NRF1: variants seen among roughly 807,000 people sequenced by gnomAD.
NRF1 encodes the protein alpha palindromic-binding protein.
NRF1 carries 5 observed loss-of-function variants against 58.5 expected under a neutral mutation model. The ratio of observed to expected loss-of-function variants is 0.09; its 90% CI spans 0.04 to 0.18. NRF1 has a LOEUF of 0.18. NRF1 is among the 10% of genes least tolerant of loss of function. The pLI, the probability that NRF1 is intolerant of heterozygous loss-of-function variation, is 1.00. For synonymous variants in NRF1, 224 were observed against 246.7 expected (o/e 0.91, Z 0.86); for missense variants, 288 against 657.7 (o/e 0.44, Z 6.15).
chr7:129,751,942 C>G (rs1804126520), intron 10 of NRF1, among the ~76,000 whole-genome samples: 1 of 152,160 alleles, frequency 6.6e-6, no homozygotes, highest in South Asian at 2.1e-4. Context: ...ACACTCAGTC[C>G]CATGCCTTGA....
chr7:129,710,870 C>G (rs898707192), intron 7 of NRF1, among the ~76,000 whole-genome samples: 1 of 151,910 alleles, frequency 6.6e-6, no homozygotes. Context: ...CTCAACCTCC[C>G]GGGCTCAAGT....
At chr7:129,657,607 A>ATTTTTTTTTTTTTTTTTTTTTTTTTTAT (rs11446444) in intron 2 of NRF1, 33 bp downstream of exon 2, 1 of 888,372 alleles carries the variant, frequency 1.1e-6, no homozygotes, top group Non-Finnish European at 1.6e-6. Context: ...CTCTTCTTTA[A>ATTTTTTTTTTTTTTTTTTTTTTTTTTAT]TTTTTTTTTT....
rs530497899 is a variant in NRF1, at chr7:129,623,309, G to C, written c.-7+11485G>C. On this transcript the variant is annotated intron_variant, in intron 1 of 10. Coordinates refer to ENST00000393232, the MANE Select transcript of NRF1 (RefSeq NM_005011.5). Reference sequence around the variant, plus strand: ...TTTATTTTACCCTGGGAGCTTCTGAGTTACTCTAGTTGTCAGCACGTGAAG... The same window carrying C: ...TTTATTTTACCCTGGGAGCTTCTGACTTACTCTAGTTGTCAGCACGTGAAG... 6.6e-5 allele frequency among the ~76,000 whole-genome samples: 10 copies of C among 151,796 alleles called. No individual in the cohort carries two copies. In the East Asian group the frequency reaches 9.7e-4, roughly 15 times the overall value.
At chr7:129,711,914 T>G (rs2402977) in intron 8 of NRF1, among the ~76,000 whole-genome samples, 151,587 of 152,288 alleles carry the variant, frequency 1, 75,450 homozygotes, top group East Asian at 1. Context: ...AAAAAAAATG[T>G]CACATTAAAA....
chr7:129,635,720 G>T (rs1247595261), intron 1 of NRF1, among the ~76,000 whole-genome samples: 1 of 152,104 alleles, frequency 6.6e-6, no homozygotes, highest in Non-Finnish European at 1.5e-5. Flanking sequence ...CAAGGCCCAC[G>T]TCTCCAGTGC....
At chr7:129,702,522 CT>C (rs1289217851) in intron 5 of NRF1, among the ~76,000 whole-genome samples, 1 of 152,186 alleles carries the variant, frequency 6.6e-6, no homozygotes, top group Non-Finnish European at 1.5e-5. Context: ...ATAGTCATCT[CT>C]CTGAACAGAG....
At chr7:129,736,241 C>T (rs1283985073) in intron 10 of NRF1, among the ~76,000 whole-genome samples, 4 of 150,848 alleles carry the variant, frequency 2.7e-5, no homozygotes, top group Non-Finnish European at 5.9e-5. Context: ...TATGTTTTCT[C>T]AGCAGAATTT....
At chr7:129,751,272 G>A (rs1019398876) in intron 10 of NRF1, among the ~76,000 whole-genome samples, 4 of 152,230 alleles carry the variant, frequency 2.6e-5, no homozygotes, top group Non-Finnish European at 5.9e-5. Flanking sequence ...AGTGGCCGAC[G>A]TGAAGAGTTT....
chr7:129,713,093 CTTTTTTT>C, intron 8 of NRF1, among the ~76,000 whole-genome samples: 1 of 130,178 alleles, frequency 7.7e-6, no homozygotes, highest in African/African-American at 2.8e-5. Context: ...GTTGCGTTTC[CTTTTTTT>C]TTTTTTTTTT....
chr7:129,656,730 A>G (rs572953087), intron 1 of NRF1, among the ~76,000 whole-genome samples: 8 of 152,146 alleles, frequency 5.3e-5, no homozygotes, highest in African/African-American at 1.9e-4. Context: ...GCCCACCACC[A>G]CGCCTGGCTA....
chr7:129,657,184 G>T (rs918780235), intron 1 of NRF1, among the ~76,000 whole-genome samples, 162 bp from the exon 2 acceptor site: 2 of 152,132 alleles, frequency 1.3e-5, no homozygotes, highest in South Asian at 2.1e-4. Flanking sequence ...TGTCACATTT[G>T]CATGGTGCTT....
chr7:129,648,664 G>T (rs1801467186), intron 1 of NRF1, among the ~76,000 whole-genome samples: 1 of 151,856 alleles, frequency 6.6e-6, no homozygotes, highest in African/African-American at 2.4e-5. Flanking sequence ...TTGTAATACT[G>T]TTTCCATCTC....
chr7:129,635,861 C>CT (rs977729001), intron 1 of NRF1, among the ~76,000 whole-genome samples: 153 of 148,844 alleles, frequency 1.0e-3, no homozygotes, highest in Middle Eastern at 3.5e-3. Flanking sequence ...AATTTCCTAC[C>CT]TTTTTTTTTT....
intron 9 of NRF1, among the ~76,000 whole-genome samples, chr7:129,725,174 G>T (rs181516108): frequency 1.3e-5 from 2 of 152,330 alleles, no homozygotes; most frequent in Admixed American, 1.3e-4. Context: ...ACAAGATGAA[G>T]AGAGTTGTGG....
chr7:129,696,099 C>T (rs1270273420), intron 5 of NRF1, among the ~76,000 whole-genome samples: 1 of 140,800 alleles, frequency 7.1e-6, no homozygotes, highest in Non-Finnish European at 1.5e-5. Flanking sequence ...ACCAAATTAG[C>T]CGGGCTTAGT....
intron 3 of NRF1, among the ~76,000 whole-genome samples, chr7:129,674,023 C>T (rs1802118228): frequency 6.6e-6 from 1 of 151,898 alleles, no homozygotes; most frequent in South Asian, 2.1e-4. Flanking sequence ...CACCTACAAT[C>T]CCAGCTAGTC....
At chr7:129,749,588 T>C (rs1804065150) in intron 10 of NRF1, among the ~76,000 whole-genome samples, 1 of 152,152 alleles carries the variant, frequency 6.6e-6, no homozygotes, top group Admixed American at 6.5e-5. Context: ...CTTTGACTTT[T>C]TTTCCATTTT....
intron 2 of NRF1, among the ~76,000 whole-genome samples, chr7:129,663,299 G>A (rs1412182637): frequency 2.0e-5 from 3 of 152,094 alleles, no homozygotes; most frequent in Non-Finnish European, 2.9e-5. Context: ...CTTCCCAGAC[G>A]GGGCGGCCGA....
chr7:129,735,705 A>G (rs190682423), intron 10 of NRF1, among the ~76,000 whole-genome samples: 70 of 151,496 alleles, frequency 4.6e-4, no homozygotes, highest in African/African-American at 1.7e-3. Context: ...CTTCAACGTC[A>G]TATTTTCTGA....
Sources: gnomAD v4.1 joint callset for allele counts (sites outside exome capture counted in the v4.1 genomes callset) on GRCh38, gnomAD v4.1.1 for gene constraint, MANE v1.5 for transcripts, NCBI Gene and HGNC (gene_info 2026-07-23, HGNC 2026-07-21) for gene names.